The following POFUT1 variants were observed in gnomAD, a reference collection of about 807,000 sequenced individuals.
POFUT1 encodes protein O-fucosyltransferase 1.
A neutral mutation model predicts 42.4 loss-of-function variants in POFUT1; 16 were observed. The ratio of observed to expected loss-of-function variants is 0.38; its 90% CI spans 0.26 to 0.57. The LOEUF is 0.57. Ranked by LOEUF, POFUT1 falls within the 20% of genes least tolerant of loss-of-function variation. The probability of loss-of-function intolerance (pLI) is 0.71; values close to 1 mark genes in which losing one functional copy is unlikely to be tolerated. For synonymous variants in POFUT1, 206 were observed against 205.4 expected, an observed-to-expected ratio of 1.00 and a Z score of -0.03; for missense variants, 470 against 504.6, an observed-to-expected ratio of 0.93 and a Z score of 0.66.
intron 6 of POFUT1, among the ~76,000 whole-genome samples, chr20:32,231,538 T>G (rs1293263805): frequency 6.6e-6 from 1 of 152,284 alleles, no homozygotes; most frequent in East Asian, 1.9e-4. Context: ...TGAATGAGGA[T>G]GTAGAGAGTG....
At chr20:32,227,727 G>T (rs552646515) in intron 4 of POFUT1, among the ~76,000 whole-genome samples, 3 of 152,168 alleles carry the variant, frequency 2.0e-5, no homozygotes, top group African/African-American at 7.2e-5. Context: ...CTTCCATAGC[G>T]CAGGGACTAT....
At chr20:32,215,235 T>G in intron 2 of POFUT1, 34 bp from the exon 3 acceptor site, 2 of 1,574,408 alleles carry the variant, frequency 1.3e-6, no homozygotes, top group Non-Finnish European at 1.7e-6. Context: ...ACGGGGGCAC[T>G]GAGACGGGAC....
At chr20:32,228,136 T>C in intron 4 of POFUT1, 127 bp from the exon 5 acceptor site, 1 of 637,400 alleles carries the variant, frequency 1.6e-6, no homozygotes, top group Non-Finnish European at 2.6e-6. Context: ...CTCGTGTTTC[T>C]TGCGTGTTGC....
chr20:32,227,477 A>C (rs1048238458), intron 4 of POFUT1, among the ~76,000 whole-genome samples: 1 of 152,188 alleles, frequency 6.6e-6, no homozygotes, highest in African/African-American at 2.4e-5. Flanking sequence ...AGCCGAGATC[A>C]CGCCACTGCC....
Position 32,216,711 on chromosome 20 carries a change from T to A in POFUT1, c.532T>A (p.Trp178Arg). Reference sequence around the variant, plus strand: ...CTTCAGTGCTTCCTACAGAGAACAATGGAGCCAGAGGTACTTGGAGGGGGT... The same window carrying A: ...CTTCAGTGCTTCCTACAGAGAACAAAGGAGCCAGAGGTACTTGGAGGGGGT... ...ISFSASYREQ[W>R]SQRFSPKEHP... Residue 178 changes from tryptophan to arginine, a missense_variant, in exon 4 of 7, where the codon TGG becomes AGG. Transcript: ENST00000375749. 3 of 1,609,318 alleles carry A rather than the reference T, an allele frequency of 1.9e-6. No homozygotes were observed. The highest frequency in any genetic ancestry group is 2.6e-6 in the Non-Finnish European group (3 of 1,175,634).
At chr20:32,225,253 G>C (rs1291486525) in intron 4 of POFUT1, among the ~76,000 whole-genome samples, 1 of 151,900 alleles carries the variant, frequency 6.6e-6, no homozygotes, top group Non-Finnish European at 1.5e-5. Flanking sequence ...GCAGTGGCAC[G>C]ATCTCAGCTC....
intron 5 of POFUT1, among the ~76,000 whole-genome samples, chr20:32,229,807 A>G (rs1033987500): frequency 3.0e-5 from 4 of 131,874 alleles, no homozygotes; most frequent in Admixed American, 7.6e-5. Flanking sequence ...GTCTCACTCC[A>G]TTGCCGAGGC....
intron 4 of POFUT1, among the ~76,000 whole-genome samples, chr20:32,222,056 G>A (rs550560662): frequency 6.6e-6 from 1 of 152,216 alleles, no homozygotes; most frequent in African/African-American, 2.4e-5. Context: ...CCAGCACTTT[G>A]GGAGGCAGAG....
chr20:32,237,676 G>A lies in POFUT1; in HGVS notation c.*3015G>A, dbSNP rs777131569. ...CCTCCTAGGGTTCTGAGCAGAAGAGGGGCATGAGCTGATTCACATTCTGAA... is the reference window on the plus strand; with the variant it reads ...CCTCCTAGGGTTCTGAGCAGAAGAGAGGCATGAGCTGATTCACATTCTGAA... On this transcript the variant is annotated 3_prime_UTR_variant, in exon 7 of 7. Transcript: ENST00000375749. 2.3e-6 allele frequency: 1 copy of A among 437,250 alleles called. No homozygotes were observed. 27.1% of individuals were successfully genotyped at this position (437,250 alleles called of 1,614,324 possible).
intron 4 of POFUT1, among the ~76,000 whole-genome samples, chr20:32,224,259 G>A (rs112271810): frequency 2.0e-5 from 3 of 152,278 alleles, no homozygotes; most frequent in African/African-American, 7.2e-5. Context: ...GGGCATGGTG[G>A]CACGTGCCTG....
intron 4 of POFUT1, among the ~76,000 whole-genome samples, chr20:32,226,010 T>C (rs572936744): frequency 6.6e-6 from 1 of 152,320 alleles, no homozygotes; most frequent in African/African-American, 2.4e-5. Context: ...CCCCTCCTTT[T>C]TGATGTCTAT....
At chr20:32,211,242 T>C (rs1440032340) in intron 2 of POFUT1, among the ~76,000 whole-genome samples, 1 of 151,856 alleles carries the variant, frequency 6.6e-6, no homozygotes, top group East Asian at 1.9e-4. Context: ...CCTCAGTTAA[T>C]GGAAACCATT....
rs1443132885 is a variant in POFUT1, at chr20:32,236,140, GAGA to G, written c.*1480_*1482del. The stretch of plus-strand genomic sequence containing the variant: ...GTGTTTTAAGTCCTGGGTGGACTGA[GAGA>G]TGGTTTGCCTGTCCAGACTTGCTCT... On this transcript the variant is annotated 3_prime_UTR_variant, in exon 7 of 7. Coordinates refer to ENST00000375749, the MANE Select transcript of POFUT1 (RefSeq NM_015352.2). The G allele has an allele frequency of 1.3e-5, 2 of 152,290 alleles. No homozygotes were observed. The highest frequency in any genetic ancestry group is 2.9e-5 in the Non-Finnish European group (2 of 68,080). The allele number at this position is 152,290 out of a possible 1,614,324, so 9.4% of individuals were successfully genotyped here.
chr20:32,226,837 T>C (rs6058565), intron 4 of POFUT1, among the ~76,000 whole-genome samples: 8,809 of 152,214 alleles, frequency 0.058, 909 homozygotes, highest in African/African-American at 0.2. Context: ...TTTGTTTAAC[T>C]GTTTACTTGT....
chr20:32,225,386 G>A (rs575442057), intron 4 of POFUT1, among the ~76,000 whole-genome samples: 14 of 151,930 alleles, frequency 9.2e-5, no homozygotes, highest in East Asian at 1.9e-4. Context: ...ACGGGGTTTC[G>A]CCGTGTTAGC....
chr20:32,214,260 G>A (rs998479171), intron 2 of POFUT1, among the ~76,000 whole-genome samples: 3 of 152,016 alleles, frequency 2.0e-5, no homozygotes, highest in African/African-American at 7.3e-5. Flanking sequence ...TAGTAGCTGG[G>A]ACTACAGATG....
Position 32,222,581 on chromosome 20 carries a change from C to T in POFUT1, c.543-5682C>T, listed in dbSNP as rs181258721. On this transcript the variant is annotated intron_variant, in intron 4 of 6. Transcript: ENST00000375749. ...GAAATGTCTGTCTTTCTTTTTCTTTCCCCCACCTCGCCCGGGGTATGTTTG... is the reference window on the plus strand; with the variant it reads ...GAAATGTCTGTCTTTCTTTTTCTTTTCCCCACCTCGCCCGGGGTATGTTTG... 3.1e-3 allele frequency: 3,069 copies of T among 984,942 alleles called. 7 individuals carry two copies. Among genetic ancestry groups the T allele is most frequent in the Non-Finnish European group, 3.5e-3 (2,877 of 829,520 alleles). The allele number at this position is 984,942 out of a possible 1,614,324, so 61.0% of individuals were successfully genotyped here. A position where few individuals can be genotyped will look rare whatever the true frequency, so the allele number is the denominator to read the frequency against.
Position 32,236,046 on chromosome 20 carries a change from C to T in POFUT1, c.*1385C>T, listed in dbSNP as rs1189982292. The T allele has an allele frequency of 2.6e-5, 4 of 152,262 alleles. No individual in the cohort carries two copies. The highest frequency in any genetic ancestry group is 2.6e-4 in the Admixed American group (4 of 15,284). 9.4% of individuals were successfully genotyped at this position (152,262 alleles called of 1,614,324 possible). A position where few individuals can be genotyped will look rare whatever the true frequency, so the allele number is the denominator to read the frequency against. On this transcript the variant is annotated 3_prime_UTR_variant, in exon 7 of 7. Transcript: ENST00000375749. ...CAGCATTTGCTGTATAGAGCTGCCACCCAACTCTAAGCAGGAGAAACTGTA... is the reference window on the plus strand; with the variant it reads ...CAGCATTTGCTGTATAGAGCTGCCATCCAACTCTAAGCAGGAGAAACTGTA...
chr20:32,220,147 TAGTCCTTTTAAGGCTGAATAA>T, intron 4 of POFUT1, among the ~76,000 whole-genome samples: 2 of 152,250 alleles, frequency 1.3e-5, no homozygotes, highest in Non-Finnish European at 2.9e-5. Flanking sequence ...ATCAAAATTT[TAGTCCTTTTAAGGCTGAATAA>T]TAGTTCATCG....
Sources: gnomAD v4.1 joint callset for allele counts (sites outside exome capture counted in the v4.1 genomes callset) on GRCh38, gnomAD v4.1.1 for gene constraint, MANE v1.5 for transcripts, NCBI Gene and HGNC (gene_info 2026-07-23, HGNC 2026-07-21) for gene names.